The following USP54 variants were observed in gnomAD, a reference collection of about 807,000 sequenced individuals.
USP54 encodes ubiquitin specific peptidase 54, also known as ubiquitin carboxyl-terminal hydrolase 54.
USP54 carries 87 observed loss-of-function variants against 170.5 expected under a neutral mutation model. The observed-to-expected ratio is 0.51, with a 90% confidence interval of 0.43 to 0.61. USP54 has a LOEUF of 0.61. USP54 is among the 20% of genes least tolerant of loss of function. The pLI, the probability that USP54 is intolerant of heterozygous loss-of-function variation, is 0.00. For synonymous variants in USP54, 655 were observed against 742.8 expected (o/e 0.88, Z 1.92); for missense variants, 1,786 against 2,047.8 (o/e 0.87, Z 2.47).
At chr10:73,510,668 C>G (rs1564631922) in intron 20 of USP54, among the ~76,000 whole-genome samples, 1 of 152,008 alleles carries the variant, frequency 6.6e-6, no homozygotes, top group Non-Finnish European at 1.5e-5. Context: ...AGGCTGGTCT[C>G]AAACTCCTGA....
chr10:73,567,804 A>T (rs2133767277), intron 4 of USP54, among the ~76,000 whole-genome samples: 1 of 152,322 alleles, frequency 6.6e-6, no homozygotes, highest in East Asian at 1.9e-4. Flanking sequence ...AATAATGGCA[A>T]CTTTGTTTGA....
chr10:73,598,737 G>A (rs759799089), intron 1 of USP54, among the ~76,000 whole-genome samples: 4 of 152,028 alleles, frequency 2.6e-5, no homozygotes, highest in Admixed American at 6.6e-5. Flanking sequence ...TGGTGAAACC[G>A]CATCTCTACT....
chr10:73,575,649 T>C lies in USP54; in HGVS notation c.10A>G (p.Lys4Glu), dbSNP rs2076021412. 5.0e-6 allele frequency: 8 copies of C among 1,605,416 alleles called. No individual in the cohort carries two copies. The highest frequency in any genetic ancestry group is 6.8e-6 in the Non-Finnish European group (8 of 1,177,098). Reference protein sequence around the residue: MSWKRNYFSGGRGS... With the variant: MSWERNYFSGGRGS... ...CGACCCCCTGAAAAATAATTTCTCTTCCAAGACATTATTGTTCACATTTAG... is the reference window on the plus strand; with the variant it reads ...CGACCCCCTGAAAAATAATTTCTCTCCCAAGACATTATTGTTCACATTTAG... The change falls in exon 3 of 24, where the codon AAG (lysine) becomes GAG (glutamate). Residue 4 changes from lysine to glutamate, a missense_variant. Around this residue, in one of 3 missense-constraint regions of USP54, gnomAD observed 361 missense variants for 455.0 expected, o/e 0.79. Coordinates refer to ENST00000687698, the MANE Select transcript of USP54 (RefSeq NM_001391956.1).
At chr10:73,593,827 TA>T (rs2078493222), upstream of USP54, among the ~76,000 whole-genome samples, 1 of 152,214 alleles carries the variant, frequency 6.6e-6, no homozygotes, top group African/African-American at 2.4e-5. Flanking sequence ...TGGTTTCTAC[TA>T]GCAAATAGAG....
chr10:73,528,111 T>G (rs1314312329), intron 15 of USP54, among the ~76,000 whole-genome samples: 1 of 151,764 alleles, frequency 6.6e-6, no homozygotes, highest in Non-Finnish European at 1.5e-5. Context: ...AATTTTTGTG[T>G]TTTTAGTAGA....
At chr10:73,593,092 C>T (rs1325075904), upstream of USP54, among the ~76,000 whole-genome samples, 1 of 151,932 alleles carries the variant, frequency 6.6e-6, no homozygotes, top group Non-Finnish European at 1.5e-5. Flanking sequence ...GGTGCAGGGG[C>T]TCACGCCTGT....
At chr10:73,620,815 T>C (rs1353649815) in intron 1 of USP54, among the ~76,000 whole-genome samples, 1 of 149,958 alleles carries the variant, frequency 6.7e-6, no homozygotes, top group East Asian at 1.9e-4. Flanking sequence ...GGCGGGCACC[T>C]GTAATCCCAG....
At chr10:73,539,733 A>C (rs2066164555) in intron 9 of USP54, 140 bp from the exon 10 acceptor site, 2 of 970,482 alleles carry the variant, frequency 2.1e-6, no homozygotes, top group South Asian at 4.9e-5. Context: ...TTGTTAGTTT[A>C]GATTAATCAT....
chr10:73,559,638 G>T (rs949891221), intron 4 of USP54, among the ~76,000 whole-genome samples: 2 of 151,210 alleles, frequency 1.3e-5, no homozygotes, highest in African/African-American at 4.9e-5. Flanking sequence ...GGAGGCAAGA[G>T]AATCACTTGA....
chr10:73,503,788 A>C (rs1039211167), intron 22 of USP54, among the ~76,000 whole-genome samples: 2 of 152,178 alleles, frequency 1.3e-5, no homozygotes, highest in African/African-American at 4.8e-5. Flanking sequence ...GCTGGAGTGC[A>C]GTGGCTCAAT....
At chr10:73,553,431 T>G (rs999738799) in intron 4 of USP54, 1 of 152,258 alleles carries the variant, frequency 6.6e-6, no homozygotes, top group Non-Finnish European at 1.5e-5. Context: ...ACAAAGCCCC[T>G]CTGTTAGAGC....
chr10:73,526,537 G>A (rs536393049), intron 16 of USP54, 110 bp downstream of exon 16: 76 of 1,488,234 alleles, frequency 5.1e-5, no homozygotes, highest in African/African-American at 8.4e-5. Context: ...GTGAGCCACC[G>A]CGCCCGGCCT....
chr10:73,571,378 G>A, intron 4 of USP54, 43 bp downstream of exon 4: 3 of 1,539,790 alleles, frequency 1.9e-6, no homozygotes, highest in Non-Finnish European at 2.7e-6. Flanking sequence ...TGACCATTTG[G>A]CCACCCAATG....
intron 15 of USP54, chr10:73,529,294 C>T (rs114667992): frequency 1.6e-5 from 4 of 256,434 alleles, no homozygotes; most frequent in African/African-American, 4.6e-5. Context: ...ACAGGCCTAT[C>T]GGAGGGTGGA....
intron 1 of USP54, among the ~76,000 whole-genome samples, chr10:73,623,104 A>C (rs1275263086): frequency 6.6e-6 from 1 of 152,220 alleles, no homozygotes; most frequent in Admixed American, 6.5e-5. Context: ...TAGGCTGGGC[A>C]TGGTGGCTCA....
At chr10:73,578,933 C>G (rs1317209774) in intron 1 of USP54, among the ~76,000 whole-genome samples, 1 of 147,592 alleles carries the variant, frequency 6.8e-6, no homozygotes, top group Non-Finnish European at 1.5e-5. Context: ...TTTGGTTGGG[C>G]AAAGATTCCT....
rs1465785950 is a variant in USP54 at position 73,529,675 on chromosome 10, A to G, written c.2060+5T>C. On this transcript the variant is annotated splice_donor_5th_base_variant and intron_variant, in intron 15 of 23. Coordinates refer to ENST00000687698, the MANE Select transcript of USP54 (RefSeq NM_001391956.1). ...CAATGTTGCTGTTCAAAGGCCAAACAATACCTGTAGACATTTGAGCTCTCA... is the reference window on the plus strand; with the variant it reads ...CAATGTTGCTGTTCAAAGGCCAAACGATACCTGTAGACATTTGAGCTCTCA... 2 of 1,614,182 alleles carry G rather than the reference A, an allele frequency of 1.2e-6. No individual in the cohort carries two copies. The highest frequency in any genetic ancestry group is 1.7e-5 in the Admixed American group (1 of 60,016).
intron 1 of USP54, among the ~76,000 whole-genome samples, chr10:73,615,463 AACT>A (rs752523215): frequency 6.6e-6 from 1 of 150,672 alleles, no homozygotes; most frequent in Non-Finnish European, 1.5e-5. Flanking sequence ...ATTTTTAAAT[AACT>A]ACAAGTATAA....
At chr10:73,604,646 A>G (rs552525688) in intron 1 of USP54, among the ~76,000 whole-genome samples, 44 of 147,906 alleles carry the variant, frequency 3.0e-4, no homozygotes, top group Non-Finnish European at 5.3e-4. Context: ...GCTGGAGTGC[A>G]GTGGTGCAAT....
Sources: gnomAD v4.1 joint callset for allele counts (sites outside exome capture counted in the v4.1 genomes callset) on GRCh38, gnomAD v4.1.1 for gene constraint, gnomAD v4.1.1 regional missense constraint, MANE v1.5 for transcripts, NCBI Gene and HGNC (gene_info 2026-07-23, HGNC 2026-07-21) for gene names.